COL1A2: variants seen among roughly 807,000 people sequenced by gnomAD.
The protein encoded by COL1A2 is collagen type I alpha 2 chain, also known as collagen alpha-2(I) chain.
Under a neutral mutation model 174.3 loss-of-function variants are expected in COL1A2, and 49 were observed. The observed-to-expected ratio is 0.28, with a 90% confidence interval of 0.22 to 0.36. The LOEUF (loss-of-function observed/expected upper bound fraction) is 0.36, where lower values mean the gene tolerates loss of function less well. Among genes scored for constraint, COL1A2 ranks in the 10% least tolerant of loss-of-function variants. COL1A2 has a pLI of 1.00. For missense variants in COL1A2, 1,438 were observed against 1,822.7 expected (o/e 0.79, Z 3.84); for synonymous variants, 655 against 606.6 (o/e 1.08, Z -1.17).
rs373578055 is a variant in COL1A2, at chr7:94,425,599, T to C, written c.2782-11T>C. 3.4e-5 allele frequency: 55 copies of C among 1,613,820 alleles called. No individual in the cohort carries two copies. The highest frequency in any genetic ancestry group is 4.3e-5 in the Non-Finnish European group (51 of 1,179,864). ...TCACCAACAGCCTTAATTTGTGTGG[T>C]GTCTTCACAGGGCAACCCTGGGAAC... On this transcript the variant is annotated splice_polypyrimidine_tract_variant and intron_variant, in intron 42 of 51. Transcript: ENST00000297268.
chr7:94,414,793 G>C (rs761645069), intron 29 of COL1A2, among the ~76,000 whole-genome samples: 4 of 152,146 alleles, frequency 2.6e-5, no homozygotes, highest in Non-Finnish European at 5.9e-5. Context: ...ACATATTAAG[G>C]AGACAGCTGG....
chr7:94,421,965 C>T lies in COL1A2; in HGVS notation c.2403+13C>T. On this transcript the variant is annotated intron_variant, in intron 39 of 51. Coordinates refer to ENST00000297268, the MANE Select transcript of COL1A2 (RefSeq NM_000089.4). ...CCCAGGACCCTCTGTAAGTAAATCA[C>T]TGTAAACGTGTCTTCATTTACTCTA... The T allele has an allele frequency of 6.2e-7, 1 of 1,613,128 alleles. No individual in the cohort carries two copies. The highest frequency in any genetic ancestry group is 1.3e-5 in the African/African-American group (1 of 75,008).
intron 50 of COL1A2, 65 bp from the exon 51 acceptor site, chr7:94,429,123 C>CT: frequency 7.4e-6 from 4 of 538,028 alleles, no homozygotes; most frequent in South Asian, 4.4e-5. Context: ...TTTTTTTTTT[C>CT]ATGTTTGACT....
intron 6 of COL1A2, 62 bp downstream of exon 6, chr7:94,401,682 C>T: frequency 1.7e-6 from 2 of 1,203,726 alleles, no homozygotes; most frequent in Non-Finnish European, 2.4e-6. Flanking sequence ...TTTTATGTCA[C>T]ATTTTACCAC....
chr7:94,417,680 C>T, intron 31 of COL1A2, 44 bp from the exon 32 acceptor site: 1 of 1,483,736 alleles, frequency 6.7e-7, no homozygotes, highest in South Asian at 1.2e-5. Flanking sequence ...TCTTCATTTT[C>T]TTCTTTCTCC....
At position 94,426,421 on chromosome 7, in the gene COL1A2, A is replaced by G; in HGVS notation, c.2998-2A>G. 6.3e-7 allele frequency: 1 copy of G among 1,588,660 alleles called. No homozygotes were observed. Among genetic ancestry groups the G allele is most frequent in the Non-Finnish European group, 8.6e-7 (1 of 1,167,020 alleles). On this transcript the variant is annotated splice_acceptor_variant, in intron 45 of 51. Transcript: ENST00000297268. LOFTEE classifies it high-confidence loss of function. The stretch of plus-strand genomic sequence containing the variant: ...CTTATCCATCCTTCTGTTTCTTTAT[A>G]GGGCCCACAAGGCATTCGTGGCGAT...
chr7:94,407,877 A>C lies in COL1A2; in HGVS notation c.625A>C (p.Thr209Pro). The change falls in exon 13 of 52, where the codon ACT (threonine) becomes CCT (proline). Residue 209 changes from threonine to proline, a missense_variant. This residue lies in a region of COL1A2 where 281 missense variants were observed against 310.9 expected (regional missense o/e 0.90). Coordinates refer to ENST00000297268, the MANE Select transcript of COL1A2 (RefSeq NM_000089.4). The part of the protein sequence containing the change: ...GEPGAPGENG[T>P]PGQTGARGLP... ...ACCTGGTGCCCCTGGTGAAAATGGA[A>C]CTCCAGGTCAAACAGTAAGTATTGA... 4.3e-6 allele frequency: 7 copies of C among 1,613,910 alleles called. No homozygotes were observed. Among genetic ancestry groups the C allele is most frequent in the Non-Finnish European group, 5.9e-6 (7 of 1,179,858 alleles).
chr7:94,408,346 G>T lies in COL1A2; in HGVS notation c.704G>T (p.Gly235Val). 6.2e-7 allele frequency: 1 copy of T among 1,614,110 alleles called. No homozygotes were observed. The highest frequency in any genetic ancestry group is 8.5e-7 in the Non-Finnish European group (1 of 1,180,014). The change falls in exon 15 of 52, where the codon GGC (glycine) becomes GTC (valine). Residue 235 changes from glycine to valine, a missense_variant. Gly to Val is a moderately radical substitution (Grantham distance 109). Coordinates refer to ENST00000297268, the MANE Select transcript of COL1A2 (RefSeq NM_000089.4). ...VGAPGPAGAR[G>V]SDGSVGPVGP... ...TTATTTTCTTCTTAGGGTGCCCGTG[G>T]CAGTGATGGAAGTGTGGGTCCCGTG...
At chr7:94,397,316 T>A (rs1308481742) in intron 1 of COL1A2, among the ~76,000 whole-genome samples, 1 of 152,158 alleles carries the variant, frequency 6.6e-6, no homozygotes, top group African/African-American at 2.4e-5. Flanking sequence ...GGTAACATAC[T>A]TTCCTAAATT....
At chr7:94,422,556 G>A (rs564636787) in intron 39 of COL1A2, 4 of 198,908 alleles carry the variant, frequency 2.0e-5, no homozygotes, top group East Asian at 1.2e-4. Flanking sequence ...AACAAAACAC[G>A]TATATTGGCT....
rs751831810 is a variant in COL1A2 at position 94,417,794 on chromosome 7, G to A, written c.1934G>A (p.Arg645Lys). ...PSGPSGLPGE[R>K]GAAGIPGGKG... is the part of the protein sequence containing the mutation. The stretch of plus-strand genomic sequence containing the variant: ...GGTCCTAGTGGACTCCCAGGAGAGA[G>A]GGGTGCTGCTGGCATACCTGGAGGC... The change falls in exon 32 of 52, where the codon AGG becomes AAG. Residue 645 changes from arginine (R) to lysine (K), a missense_variant. Arg to Lys is a conservative substitution (Grantham distance 26, BLOSUM62 2). This residue lies in a region of COL1A2 where 867 missense variants were observed against 1,213.7 expected (regional missense o/e 0.71). Coordinates refer to ENST00000297268, the MANE Select transcript of COL1A2 (RefSeq NM_000089.4). 1 of 1,604,528 alleles carries A rather than the reference G, an allele frequency of 6.2e-7. No individual in the cohort carries two copies. Among genetic ancestry groups the A allele is most frequent in the East Asian group, 2.2e-5 (1 of 44,694 alleles).
chr7:94,418,529 A>G lies in COL1A2; in HGVS notation c.2002A>G (p.Asn668Asp), dbSNP rs1477534271. The G allele has an allele frequency of 6.2e-7, 1 of 1,613,954 alleles. No individual in the cohort carries two copies. Among genetic ancestry groups the G allele is most frequent in the Non-Finnish European group, 8.5e-7 (1 of 1,179,900 alleles). The change falls in exon 33 of 52, where the codon AAC (asparagine) becomes GAC (aspartate). Residue 668 changes from asparagine (N) to aspartate (D), a missense_variant. Transcript: ENST00000297268. Reference protein sequence around the residue: ...GEPGLRGEIGNPGRDGARGAP... With the variant: ...GEPGLRGEIGDPGRDGARGAP... ...ACCTGGTCTCAGAGGTGAAATTGGTAACCCTGGCAGAGATGGTGCTCGTGT... is the reference window on the plus strand; with the variant it reads ...ACCTGGTCTCAGAGGTGAAATTGGTGACCCTGGCAGAGATGGTGCTCGTGT...
At chr7:94,430,128 G>A (rs572487836) in intron 51 of COL1A2, 119 bp from the exon 52 acceptor site, 30 of 1,010,218 alleles carry the variant, frequency 3.0e-5, no homozygotes, top group Admixed American at 2.6e-4. Context: ...ATTTATCTGG[G>A]ACAGACATCT....
intron 42 of COL1A2, 183 bp from the exon 43 acceptor site, chr7:94,425,427 C>A: frequency 1.2e-6 from 1 of 835,048 alleles, no homozygotes; most frequent in Non-Finnish European, 1.9e-6. Context: ...AAAACTGGGC[C>A]CAAGTATTTA....
intron 12 of COL1A2, among the ~76,000 whole-genome samples, chr7:94,407,630 C>T (rs1417290456): frequency 6.6e-6 from 1 of 152,092 alleles, no homozygotes; most frequent in Non-Finnish European, 1.5e-5. Context: ...AACCACATCT[C>T]CTTAGAACCT....
chr7:94,402,555 A>G (rs373669826), intron 6 of COL1A2, among the ~76,000 whole-genome samples: 2 of 152,192 alleles, frequency 1.3e-5, no homozygotes, highest in Non-Finnish European at 2.9e-5. Flanking sequence ...TGAAGCTTCT[A>G]ACAAGCATTA....
Position 94,417,789 on chromosome 7 carries a change from A to T in COL1A2, c.1929A>T (p.Gly643=). ...CATCTGGTCCTAGTGGACTCCCAGG[A>T]GAGAGGGGTGCTGCTGGCATACCTG... is the stretch of plus-strand genomic sequence containing the variant. The part of the protein sequence containing the change: ...AGPSGPSGLP[G]ERGAAGIPGG... The change falls in exon 32 of 52, where the codon GGA becomes GGT. Residue 643 remains glycine (G), a synonymous_variant. Coordinates refer to ENST00000297268, the MANE Select transcript of COL1A2 (RefSeq NM_000089.4). The T allele has an allele frequency of 6.2e-7, 1 of 1,604,898 alleles. No individual in the cohort carries two copies. Among genetic ancestry groups the T allele is most frequent in the South Asian group, 1.1e-5 (1 of 88,598 alleles).
intron 50 of COL1A2, 79 bp from the exon 51 acceptor site, chr7:94,429,109 T>TC: frequency 1.3e-4 from 52 of 396,588 alleles, no homozygotes; most frequent in Non-Finnish European, 1.6e-4. Flanking sequence ...TTTTTTTTTC[T>TC]TTTTTTTTTT....
intron 32 of COL1A2, 92 bp downstream of exon 32, chr7:94,417,923 G>A: frequency 9.8e-7 from 1 of 1,020,440 alleles, no homozygotes; most frequent in Non-Finnish European, 1.5e-6. Flanking sequence ...TTGGCAGGTG[G>A]TCTGGTAGCA....
Sources: gnomAD v4.1 joint callset for allele counts (sites outside exome capture counted in the v4.1 genomes callset) on GRCh38, gnomAD v4.1.1 for gene constraint, gnomAD v4.1.1 regional missense constraint, MANE v1.5 for transcripts, NCBI Gene and HGNC (gene_info 2026-07-23, HGNC 2026-07-21) for gene names.